The following ANKRD44 variants were observed in gnomAD, a reference collection of about 807,000 sequenced individuals.
ANKRD44 encodes the protein serine/threonine-protein phosphatase 6 regulatory ankyrin repeat subunit B.
In ANKRD44, 35 loss-of-function variants were observed where a neutral mutation model predicts 116.0. The ratio of observed to expected loss-of-function variants is 0.30; its 90% CI spans 0.23 to 0.40. ANKRD44 has a LOEUF of 0.40. Among genes scored for constraint, ANKRD44 ranks in the 10% least tolerant of loss-of-function variants. The probability of loss-of-function intolerance (pLI) is 1.00; values close to 1 mark genes in which losing one functional copy is unlikely to be tolerated. For missense variants in ANKRD44, 1,014 were observed against 1,242.6 expected (o/e 0.82, Z 2.77); for synonymous variants, 435 against 461.8 (o/e 0.94, Z 0.74).
intron 16 of ANKRD44, among the ~76,000 whole-genome samples, chr2:197,068,854 T>G (rs2077498809): frequency 6.6e-6 from 1 of 152,240 alleles, no homozygotes; most frequent in East Asian, 1.9e-4. Flanking sequence ...TTGGTGGGAC[T>G]GTAAACTAGT....
rs906352686 is a variant in ANKRD44 at position 197,173,679 on chromosome 2, A to G, written c.111+13344T>C. On this transcript the variant is annotated intron_variant, in intron 2 of 27. Transcript: ENST00000282272. ...CGAGAACAAAGTCAAAAGTCCTTGA[A>G]AAAGAGATTTTTATAATTAAATGGA... 3.9e-5 allele frequency among the ~76,000 whole-genome samples: 6 copies of G among 152,294 alleles called. No homozygotes were observed. The South Asian group carries it at 1.2e-3, about 32-fold the overall frequency.
Position 197,125,987 on chromosome 2 carries a change from G to A in ANKRD44, c.312C>T (p.Asp104=). The change falls in exon 5 of 28, where the codon GAC becomes GAT. Residue 104 remains aspartate, a synonymous_variant. Transcript: ENST00000282272. ...IKHSADVNAR[D]KNWQTPLHVA... ...CATGAAGAGGGGTCTGCCAGTTCTT[G>A]TCCCTTGCATTGACATCAGCTGAGT... 6.2e-7 allele frequency: 1 copy of A among 1,614,252 alleles called. No individual in the cohort carries two copies. The highest frequency in any genetic ancestry group is 1.1e-5 in the South Asian group (1 of 91,086).
At chr2:197,094,841 C>T (rs751915632) in intron 10 of ANKRD44, among the ~76,000 whole-genome samples, 4 of 152,178 alleles carry the variant, frequency 2.6e-5, no homozygotes, top group Non-Finnish European at 4.4e-5. Flanking sequence ...TTATTTGCAA[C>T]GAACAGATGT....
At chr2:197,198,328 G>A (rs374098560) in intron 1 of ANKRD44, among the ~76,000 whole-genome samples, 6 of 152,200 alleles carry the variant, frequency 3.9e-5, no homozygotes, top group African/African-American at 1.4e-4. Flanking sequence ...TAAGATTTGT[G>A]CTTTAGAACA....
chr2:197,044,435 C>T (rs1218397763), intron 16 of ANKRD44, among the ~76,000 whole-genome samples: 12 of 152,116 alleles, frequency 7.9e-5, no homozygotes, highest in African/African-American at 1.7e-4. Flanking sequence ...GGCGCGATCT[C>T]GGCTCACTGC....
chr2:197,079,244 C>T (rs2077740810), intron 15 of ANKRD44, among the ~76,000 whole-genome samples: 2 of 149,970 alleles, frequency 1.3e-5, no homozygotes, highest in African/African-American at 2.5e-5. Context: ...CTTAACCTCA[C>T]CATAAAATCA....
At chr2:197,126,126 A>G in intron 4 of ANKRD44, 89 bp from the exon 5 acceptor site, 1 of 1,379,350 alleles carries the variant, frequency 7.2e-7, no homozygotes, top group Non-Finnish European at 1.0e-6. Context: ...CCCTGGAACT[A>G]TGGAGAGAAA....
intron 2 of ANKRD44, among the ~76,000 whole-genome samples, chr2:197,176,569 G>C (rs2080369406): frequency 6.6e-6 from 1 of 152,178 alleles, no homozygotes; most frequent in African/African-American, 2.4e-5. Flanking sequence ...TATTAAGTGA[G>C]GACATAGCAG....
chr2:197,194,759 T>C (rs1308769886), intron 1 of ANKRD44, among the ~76,000 whole-genome samples: 1 of 152,168 alleles, frequency 6.6e-6, no homozygotes, highest in Non-Finnish European at 1.5e-5. Context: ...GATATAGATA[T>C]AATTCCTTGC....
rs144239371 is a variant in ANKRD44, at chr2:196,993,561, G to A, written c.2923+22C>T. The stretch of plus-strand genomic sequence containing the variant: ...TAGCTTATGGAAGGTACCTGCAGTC[G>A]CTGTTGACTTTTTCCACTTACCATT... On this transcript the variant is annotated intron_variant, in intron 27 of 27. Coordinates refer to ENST00000282272, the MANE Select transcript of ANKRD44 (RefSeq NM_001195144.2). 3.5e-4 allele frequency: 541 copies of A among 1,535,906 alleles called. 1 individual carries two copies. The African/African-American group carries it at 6.5e-3, about 18-fold the overall frequency.
chr2:197,112,197 ATT>A (rs2078596787), intron 8 of ANKRD44, among the ~76,000 whole-genome samples: 4 of 152,206 alleles, frequency 2.6e-5, no homozygotes, highest in Non-Finnish European at 5.9e-5. Flanking sequence ...TGTAACACTT[ATT>A]TTTATAAGTC....
At chr2:197,175,782 A>T (rs2080350972) in intron 2 of ANKRD44, among the ~76,000 whole-genome samples, 2 of 152,204 alleles carry the variant, frequency 1.3e-5, no homozygotes, top group African/African-American at 4.8e-5. Context: ...AATGTAACTG[A>T]GGTTATTCAT....
In ANKRD44 at chr2:197,263,767, G is replaced by A. The variant is rs1026700109; in HGVS notation, c.27+46811C>T. On this transcript the variant is annotated intron_variant, in intron 1 of 27. Coordinates refer to ENST00000282272, the MANE Select transcript of ANKRD44 (RefSeq NM_001195144.2). ...GAAGGGCAAATGTCACTATTCCGGT[G>A]TAGCAGAGGCTCCTAGCTGTCTCCC... Among the ~76,000 whole-genome samples the A allele has an allele frequency of 4.7e-5, 7 of 148,548 alleles. No homozygotes were observed. The East Asian group carries it at 7.9e-4, about 17-fold the overall frequency.
At chr2:196,990,233 T>A (rs2075893077) in intron 27 of ANKRD44, 1 of 986,488 alleles carries the variant, frequency 1.0e-6, no homozygotes, top group Non-Finnish European at 1.2e-6. Flanking sequence ...GAAGTAAACA[T>A]CAAAGTGAGA....
chr2:197,281,850 A>G (rs1049501770), intron 1 of ANKRD44, among the ~76,000 whole-genome samples: 3 of 152,184 alleles, frequency 2.0e-5, no homozygotes, highest in African/African-American at 7.2e-5. Context: ...GAGAAGTTTA[A>G]ATCTTGTTTA....
chr2:197,086,851 A>T, intron 12 of ANKRD44, 103 bp from the exon 13 acceptor site: 3 of 1,010,990 alleles, frequency 3.0e-6, no homozygotes, highest in Non-Finnish European at 2.9e-6. Flanking sequence ...ATGAAAAGAT[A>T]GCTCCTGGTC....
chr2:197,242,426 A>G (rs933563543), intron 1 of ANKRD44, among the ~76,000 whole-genome samples: 3 of 152,196 alleles, frequency 2.0e-5, no homozygotes, highest in African/African-American at 7.2e-5. Flanking sequence ...GGCTCCCCAC[A>G]TTTCCAGTTA....
chr2:197,080,771 T>C (rs1167958855), intron 15 of ANKRD44, among the ~76,000 whole-genome samples: 1 of 151,768 alleles, frequency 6.6e-6, no homozygotes, highest in Non-Finnish European at 1.5e-5. Flanking sequence ...AACCCTGGAG[T>C]AGACACAGGC....
At chr2:197,277,487 G>A (rs2083125769) in intron 1 of ANKRD44, among the ~76,000 whole-genome samples, 1 of 152,090 alleles carries the variant, frequency 6.6e-6, no homozygotes, top group Admixed American at 6.5e-5. Flanking sequence ...CCTCATCTCT[G>A]GAGACCGTGA....
Sources: allele counts gnomAD v4.1 joint callset (sites outside exome capture counted in the v4.1 genomes callset), GRCh38; gene constraint gnomAD v4.1.1; transcripts MANE v1.5; gene names NCBI Gene and HGNC (gene_info 2026-07-23, HGNC 2026-07-21).